Variants in PDE1C observed in about 807,000 individuals in gnomAD.
PDE1C encodes the protein dual specificity calcium/calmodulin-dependent 3',5'-cyclic nucleotide phosphodiesterase 1C.
In PDE1C, 62 loss-of-function variants were observed where a neutral mutation model predicts 93.1. The ratio of observed to expected loss-of-function variants is 0.67; its 90% CI spans 0.54 to 0.82. The LOEUF (loss-of-function observed/expected upper bound fraction) is 0.82, where lower values mean the gene tolerates loss of function less well. Ranked by LOEUF, PDE1C falls within the 40% of genes least tolerant of loss-of-function variation. The pLI, the probability that PDE1C is intolerant of heterozygous loss-of-function variation, is 0.00. For missense variants in PDE1C, 742 were observed against 884.6 expected, an observed-to-expected ratio of 0.84 and a Z score of 2.04; for synonymous variants, 325 against 310.1, an observed-to-expected ratio of 1.05 and a Z score of -0.50.
At chr7:32,247,997 T>G (rs967633256) in intron 1 of PDE1C, among the ~76,000 whole-genome samples, 1 of 152,182 alleles carries the variant, frequency 6.6e-6, no homozygotes, top group African/African-American at 2.4e-5. Context: ...TTCATAAACA[T>G]TTCCAAAGTG....
intron 2 of PDE1C, among the ~76,000 whole-genome samples, chr7:31,884,750 T>C (rs1241666290): frequency 2.0e-5 from 3 of 152,216 alleles, no homozygotes; most frequent in Non-Finnish European, 4.4e-5. Context: ...CTTGGTGAAA[T>C]GGCTATTCTT....
At chr7:31,937,194 A>G (rs1469130752) in intron 2 of PDE1C, among the ~76,000 whole-genome samples, 1 of 152,168 alleles carries the variant, frequency 6.6e-6, no homozygotes. Flanking sequence ...CTTAAAAGAC[A>G]TCAGACTCTG....
chr7:31,638,965 C>T, the PDE1C span, among the ~76,000 whole-genome samples: 2 of 151,972 alleles, frequency 1.3e-5, no homozygotes, highest in East Asian at 1.9e-4. Context: ...TTGGTAGACA[C>T]GGGATTTCAC....
chr7:31,695,589 C>G, the PDE1C span: 3 of 1,613,690 alleles, frequency 1.9e-6, no homozygotes, highest in East Asian at 6.7e-5. Flanking sequence ...AGGAAAGATA[C>G]ACCGGCGCTG....
intron 3 of PDE1C, among the ~76,000 whole-genome samples, chr7:32,147,272 A>AAAAGAAAG (rs3078683): frequency 0.08 from 7,722 of 96,334 alleles, 553 homozygotes; most frequent in East Asian, 0.11. Flanking sequence ...AAGAAAGAAA[A>AAAAGAAAG]AAAGAAAGAA....
chr7:32,384,398 G>T (rs186091965), intron 1 of PDE1C, among the ~76,000 whole-genome samples: 4 of 152,200 alleles, frequency 2.6e-5, no homozygotes, highest in Non-Finnish European at 4.4e-5. Context: ...GAAGTAATTT[G>T]CAAGATAAGG....
intron 2 of PDE1C, among the ~76,000 whole-genome samples, chr7:32,042,282 G>A (rs1329661945): frequency 6.6e-6 from 1 of 152,034 alleles, no homozygotes; most frequent in East Asian, 1.9e-4. Context: ...CCTGGGCAAT[G>A]GAGAAAGACT....
intron 1 of PDE1C, among the ~76,000 whole-genome samples, chr7:32,325,553 T>C (rs1418966048): frequency 6.6e-6 from 1 of 152,238 alleles, no homozygotes; most frequent in East Asian, 1.9e-4. Flanking sequence ...ACTGATTTCC[T>C]TCTAACAAAT....
At chr7:31,959,767 A>G (rs550361435) in intron 2 of PDE1C, among the ~76,000 whole-genome samples, 1 of 152,346 alleles carries the variant, frequency 6.6e-6, no homozygotes, top group East Asian at 1.9e-4. Context: ...GCCAAATCAA[A>G]TAAAATATTC....
At position 32,175,329 on chromosome 7, in the gene PDE1C, T is replaced by C. The variant is rs146208236; in HGVS notation, c.137-5373A>G. 6.6e-3 allele frequency among the ~76,000 whole-genome samples: 1,010 copies of C among 152,320 alleles called. 11 individuals are homozygous for C. Among genetic ancestry groups the C allele is most frequent in the African/African-American group, 0.023 (953 of 41,578 alleles). On this transcript the variant is annotated intron_variant, in intron 2 of 18. Transcript: ENST00000396193. ...TTGGTTTCCCCAATGCATATAAAAATTATGTTTACACTGTAGTCTATTAAG... is the reference window on the plus strand; with the variant it reads ...TTGGTTTCCCCAATGCATATAAAAACTATGTTTACACTGTAGTCTATTAAG...
rs572043103 is a variant in PDE1C, at chr7:32,394,727, T to G, written c.310+33095A>C. Among the ~76,000 whole-genome samples, 3 of 152,232 alleles carry G rather than the reference T, an allele frequency of 2.0e-5. No individual in the cohort carries two copies. In the South Asian group the frequency reaches 6.2e-4, roughly 32 times the overall value. ...GGAGGTTGAGGTGGAGGTGGAAGGA[T>G]AGCTTGAGCCCAGGAGGCTAAGACT... On this transcript the variant is annotated intron_variant, in intron 1 of 1. Transcript: ENST00000672256.
intron 1 of PDE1C, among the ~76,000 whole-genome samples, chr7:32,281,379 C>G (rs1811617154): frequency 6.6e-6 from 1 of 152,020 alleles, no homozygotes; most frequent in East Asian, 1.9e-4. Flanking sequence ...GGCTGAATAG[C>G]CTTAATTTTT....
At chr7:32,144,536 G>T (rs1800717746) in intron 3 of PDE1C, among the ~76,000 whole-genome samples, 1 of 152,184 alleles carries the variant, frequency 6.6e-6, no homozygotes, top group African/African-American at 2.4e-5. Context: ...CTAAGAGGTG[G>T]GATCAACCTA....
intron 2 of PDE1C, among the ~76,000 whole-genome samples, chr7:32,186,932 T>A (rs1208896437): frequency 6.6e-6 from 1 of 152,178 alleles, no homozygotes; most frequent in African/African-American, 2.4e-5. Context: ...GATAGAAAAT[T>A]ACTCATTTTG....
chr7:31,781,352 A>G (rs988060175), intron 16 of PDE1C, among the ~76,000 whole-genome samples: 1 of 152,228 alleles, frequency 6.6e-6, no homozygotes, highest in Non-Finnish European at 1.5e-5. Context: ...ATTATAGTAC[A>G]ACCAGATCCC....
chr7:31,729,673 A>G, the PDE1C span, among the ~76,000 whole-genome samples: 3 of 152,178 alleles, frequency 2.0e-5, no homozygotes, highest in Non-Finnish European at 4.4e-5. Context: ...ACTGCACACC[A>G]GGCCCAAATT....
chr7:31,813,364 G>A (rs111734232), intron 15 of PDE1C, among the ~76,000 whole-genome samples: 1 of 152,058 alleles, frequency 6.6e-6, no homozygotes, highest in Non-Finnish European at 1.5e-5. Flanking sequence ...GTGCTGGGGT[G>A]GGGGAAAAGT....
chr7:31,674,743 T>G, the PDE1C span, among the ~76,000 whole-genome samples: 1 of 152,150 alleles, frequency 6.6e-6, no homozygotes, highest in Non-Finnish European at 1.5e-5. Flanking sequence ...TAAAATAATA[T>G]TCTTTTCTAA....
chr7:31,944,173 A>G (rs1303175098), intron 2 of PDE1C, among the ~76,000 whole-genome samples: 1 of 152,126 alleles, frequency 6.6e-6, no homozygotes, highest in African/African-American at 2.4e-5. Context: ...CCAGCACAAG[A>G]CACACCCTCG....
Sources: allele counts gnomAD v4.1 joint callset (sites outside exome capture counted in the v4.1 genomes callset), GRCh38; gene constraint gnomAD v4.1.1; transcripts MANE v1.5; gene names NCBI Gene and HGNC (gene_info 2026-07-23, HGNC 2026-07-21).